SH3RF3: variants seen among roughly 807,000 people sequenced by gnomAD.
The protein encoded by SH3RF3 is SH3 domain containing ring finger 3.
A neutral mutation model predicts 66.3 loss-of-function variants in SH3RF3; 29 were observed. That is an observed-to-expected ratio of 0.44 (90% CI 0.33 to 0.60). SH3RF3 has a LOEUF of 0.60. Ranked by LOEUF, SH3RF3 falls within the 20% of genes least tolerant of loss-of-function variation. The pLI, the probability that SH3RF3 is intolerant of heterozygous loss-of-function variation, is 0.04. For synonymous variants in SH3RF3, 583 were observed against 532.0 expected, an observed-to-expected ratio of 1.10 and a Z score of -1.32; for missense variants, 1,194 against 1,190.9, an observed-to-expected ratio of 1.00 and a Z score of -0.04.
chr2:109,419,402 C>G, intron 4 of SH3RF3, 137 bp from the exon 5 acceptor site: 1 of 847,178 alleles, frequency 1.2e-6, no homozygotes, highest in Non-Finnish European at 1.9e-6. Context: ...TCCAGGTAGG[C>G]ACAGCACGTT....
rs1236418187 is a variant in SH3RF3 at position 109,501,680 on chromosome 2, G to A, written c.*9G>A. 1.3e-6 allele frequency: 1 copy of A among 754,196 alleles called. No individual in the cohort carries two copies. The highest frequency in any genetic ancestry group is 1.4e-5 in the South Asian group (1 of 70,452). The allele number at this position is 754,196 out of a possible 1,614,324, so 46.7% of individuals were successfully genotyped here. A position where few individuals can be genotyped will look rare whatever the true frequency, so the allele number is the denominator to read the frequency against. ...TCGTCGAGAGCTTCTGAGAACTGGTGCTCCCTGCACCCAGCTCACAGAGGG... is the reference window on the plus strand; with the variant it reads ...TCGTCGAGAGCTTCTGAGAACTGGTACTCCCTGCACCCAGCTCACAGAGGG... On this transcript the variant is annotated 3_prime_UTR_variant, in exon 10 of 10. Transcript: ENST00000309415.
chr2:109,393,145 G>C (rs1324644249), intron 3 of SH3RF3, among the ~76,000 whole-genome samples: 1 of 152,210 alleles, frequency 6.6e-6, no homozygotes, highest in Non-Finnish European at 1.5e-5. Flanking sequence ...ATCTGCTCCT[G>C]AGTTTTTGAA....
intron 1 of SH3RF3, among the ~76,000 whole-genome samples, chr2:109,289,323 C>T (rs533852043): frequency 4.0e-5 from 6 of 151,744 alleles, no homozygotes; most frequent in Admixed American, 3.9e-4. Context: ...ATTTCACATC[C>T]CATGCTCCCA....
At chr2:109,182,097 T>C (rs944682728) in intron 1 of SH3RF3, among the ~76,000 whole-genome samples, 16 of 152,214 alleles carry the variant, frequency 1.1e-4, no homozygotes, top group African/African-American at 3.9e-4. Context: ...TTGCTTCACC[T>C]GTTGAAGCAT....
intron 8 of SH3RF3, among the ~76,000 whole-genome samples, chr2:109,475,603 C>T (rs1573283312): frequency 1.3e-5 from 2 of 152,336 alleles, no homozygotes; most frequent in Middle Eastern, 3.4e-3. Context: ...AACCTTGGCA[C>T]TATCAGAGCC....
At chr2:109,286,604 G>A (rs1348012442) in intron 1 of SH3RF3, among the ~76,000 whole-genome samples, 1 of 152,182 alleles carries the variant, frequency 6.6e-6, no homozygotes, top group East Asian at 1.9e-4. Context: ...TTGGCACATG[G>A]TGAGGGGAGC....
chr2:109,430,570 C>A (rs1677177290), intron 5 of SH3RF3, among the ~76,000 whole-genome samples: 1 of 152,122 alleles, frequency 6.6e-6, no homozygotes, highest in Admixed American at 6.5e-5. Context: ...TTCACCTCTC[C>A]CCGTTCTCCT....
Position 109,449,432 on chromosome 2 carries a change from G to A in SH3RF3, c.2091G>A (p.Leu697=). ...GEAGGGPIGV[L]STSSPTNTGC... is the part of the protein sequence containing the mutation. The stretch of plus-strand genomic sequence containing the variant: ...CTGGAGGGGGGCCCATCGGTGTTCT[G>A]TCCACATCCAGCCCCACCAACACGG... The change falls in exon 8 of 10, where the codon CTG becomes CTA. Residue 697 remains leucine (L), a synonymous_variant. Transcript: ENST00000309415. 2 of 1,613,982 alleles carry A rather than the reference G, an allele frequency of 1.2e-6. No individual in the cohort carries two copies. Among genetic ancestry groups the A allele is most frequent in the Non-Finnish European group, 1.7e-6 (2 of 1,179,882 alleles).
intron 1 of SH3RF3, among the ~76,000 whole-genome samples, chr2:109,251,011 A>AT (rs937310071): frequency 1.9e-4 from 29 of 150,678 alleles, no homozygotes; most frequent in African/African-American, 5.8e-4. Context: ...TTATTTATTT[A>AT]TTTTTTTTGA....
rs528905645 is a variant in SH3RF3, at chr2:109,147,009, G to A, written c.573+16896G>A. 4.0e-5 allele frequency among the ~76,000 whole-genome samples: 6 copies of A among 150,558 alleles called. No individual in the cohort carries two copies. In the East Asian group the frequency reaches 1.0e-3, roughly 25 times the overall value. On this transcript the variant is annotated intron_variant, in intron 1 of 9. Coordinates refer to ENST00000309415, the MANE Select transcript of SH3RF3 (RefSeq NM_001099289.3). ...TTCCCTGGGACTCATCTCCCAACCT[G>A]ATGATGTCTCAGGCTTTCTCCTAAG...
chr2:109,264,404 G>A (rs1006855821), intron 1 of SH3RF3, among the ~76,000 whole-genome samples: 12 of 152,082 alleles, frequency 7.9e-5, no homozygotes, highest in African/African-American at 2.4e-4. Flanking sequence ...GAGTCTGTGG[G>A]TGCCCCCCAT....
chr2:109,492,120 T>C (rs992908490), intron 9 of SH3RF3, among the ~76,000 whole-genome samples: 2 of 152,194 alleles, frequency 1.3e-5, no homozygotes, highest in Admixed American at 1.3e-4. Flanking sequence ...GGCCACACAC[T>C]GTATGTAGAT....
At chr2:109,331,653 G>A (rs1418828029) in intron 1 of SH3RF3, among the ~76,000 whole-genome samples, 1 of 152,100 alleles carries the variant, frequency 6.6e-6, no homozygotes, top group East Asian at 1.9e-4. Context: ...CTTATAAAGT[G>A]TATGCTCCCT....
intron 1 of SH3RF3, among the ~76,000 whole-genome samples, chr2:109,276,621 T>A (rs1024844847): frequency 1.8e-4 from 28 of 152,242 alleles, no homozygotes; most frequent in Non-Finnish European, 3.1e-4. Context: ...TGTTTTGCCA[T>A]GGTGCTTTGG....
chr2:109,375,705 G>C (rs112454824), intron 3 of SH3RF3, among the ~76,000 whole-genome samples: 2,949 of 152,354 alleles, frequency 0.019, 96 homozygotes, highest in African/African-American at 0.061. Flanking sequence ...TGCCCTCTCT[G>C]TGGCATGAGT....
chr2:109,162,120 C>T (rs951052526), intron 1 of SH3RF3, among the ~76,000 whole-genome samples: 6 of 152,274 alleles, frequency 3.9e-5, no homozygotes, highest in African/African-American at 1.4e-4. Context: ...GGATGGACAC[C>T]TGCTTGTTTT....
intron 4 of SH3RF3, among the ~76,000 whole-genome samples, chr2:109,418,834 G>A (rs1676794639): frequency 1.3e-5 from 2 of 152,094 alleles, no homozygotes; most frequent in Admixed American, 6.5e-5. Context: ...GGGTCGTAGG[G>A]GGACCTGGGG....
At chr2:109,196,556 G>A (rs1342992270) in intron 1 of SH3RF3, among the ~76,000 whole-genome samples, 2 of 152,174 alleles carry the variant, frequency 1.3e-5, no homozygotes, top group Non-Finnish European at 2.9e-5. Context: ...TGGGTTTGTC[G>A]TCCTGCAAGA....
chr2:109,249,850 A>T (rs992703818), intron 1 of SH3RF3, among the ~76,000 whole-genome samples: 10 of 147,860 alleles, frequency 6.8e-5, no homozygotes, highest in African/African-American at 2.0e-4. Context: ...TTTATTTTTT[A>T]ATTTTTTTAT....
Sources: allele counts gnomAD v4.1 joint callset (sites outside exome capture counted in the v4.1 genomes callset), GRCh38; gene constraint gnomAD v4.1.1; transcripts MANE v1.5; gene names NCBI Gene and HGNC (gene_info 2026-07-23, HGNC 2026-07-21).